LRP1B: variants seen among roughly 807,000 people sequenced by gnomAD.
LRP1B encodes the protein LDL receptor related protein 1B, also known as low-density lipoprotein receptor-related protein 1B.
Under a neutral mutation model 556.6 loss-of-function variants are expected in LRP1B, and 217 were observed. The observed-to-expected ratio is 0.39, with a 90% CI of 0.35 to 0.44. The LOEUF is 0.44. Ranked by LOEUF, LRP1B falls within the 20% of genes least tolerant of loss-of-function variation. The pLI, the probability that LRP1B is intolerant of heterozygous loss-of-function variation, is 1.00. For synonymous variants in LRP1B, 2,047 were observed against 1,865.8 expected, an observed-to-expected ratio of 1.10 and a Z score of -2.50; for missense variants, 5,053 against 5,620.8, an observed-to-expected ratio of 0.90 and a Z score of 3.23.
rs1689922969 is a variant in LRP1B, at chr2:140,516,834, T to C, written c.8149+55A>G. ...ATAAAATCCCTACATAAGAGAATAC[T>C]AACATATAAGTAATAGTAAGGTTAA... is the stretch of plus-strand genomic sequence containing the variant. On this transcript the variant is annotated intron_variant, in intron 50 of 90. Transcript: ENST00000389484. 3 of 1,542,084 alleles carry C rather than the reference T, an allele frequency of 1.9e-6. No homozygotes were observed. In the South Asian group the frequency reaches 3.4e-5, roughly 18 times the overall value.
At chr2:141,265,583 T>C (rs1684856962) in intron 3 of LRP1B, among the ~76,000 whole-genome samples, 1 of 152,196 alleles carries the variant, frequency 6.6e-6, no homozygotes, top group African/African-American at 2.4e-5. Context: ...ATGAATAATA[T>C]GCAATGTGCT....
At chr2:141,375,907 A>C (rs1426349663) in intron 3 of LRP1B, among the ~76,000 whole-genome samples, 1 of 151,780 alleles carries the variant, frequency 6.6e-6, no homozygotes, top group Non-Finnish European at 1.5e-5. Context: ...CCTTCAGCCC[A>C]AACTCAACTC....
Position 140,736,035 on chromosome 2 carries a change from A to C in LRP1B, c.5759-19219T>G, listed in dbSNP as rs961833149. Among the ~76,000 whole-genome samples the C allele has an allele frequency of 2.0e-5, 3 of 152,286 alleles. No homozygotes were observed. The South Asian group carries it at 6.2e-4, about 32-fold the overall frequency. On this transcript the variant is annotated intron_variant, in intron 35 of 90. Transcript: ENST00000389484. ...GCAAGGGCTAGCAAGGCTGTGAGGC[A>C]ACATCTCTGCTAGGGTGGCTCTTAA...
At chr2:140,716,841 ATACAT>A in intron 35 of LRP1B, 25 bp from the exon 36 acceptor site, 8 of 1,456,320 alleles carry the variant, frequency 5.5e-6, no homozygotes, top group Non-Finnish European at 7.6e-6. Flanking sequence ...CAGAAAAAAA[ATACAT>A]ATACACACAC....
intron 7 of LRP1B, among the ~76,000 whole-genome samples, chr2:141,079,954 CAATA>C (rs1553456930): frequency 6.6e-6 from 1 of 152,180 alleles, no homozygotes; most frequent in Non-Finnish European, 1.5e-5. Flanking sequence ...AGGACTCGTT[CAATA>C]TCAGTATGTC....
intron 41 of LRP1B, among the ~76,000 whole-genome samples, chr2:140,694,274 T>C (rs1020878709): frequency 2.6e-5 from 4 of 152,176 alleles, no homozygotes; most frequent in African/African-American, 9.7e-5. Flanking sequence ...CATTACTTTA[T>C]ATTTTTTTAA....
chr2:140,472,234 G>T (rs746812278), intron 60 of LRP1B, among the ~76,000 whole-genome samples: 33 of 152,088 alleles, frequency 2.2e-4, no homozygotes, highest in Admixed American at 7.9e-4. Flanking sequence ...ATGAATGAAT[G>T]AATAAATGAA....
At chr2:141,804,104 C>A (rs1404390982) in intron 2 of LRP1B, among the ~76,000 whole-genome samples, 1 of 151,974 alleles carries the variant, frequency 6.6e-6, no homozygotes, top group African/African-American at 2.4e-5. Flanking sequence ...TGAAACAATC[C>A]TTTTGGGATG....
intron 3 of LRP1B, among the ~76,000 whole-genome samples, chr2:141,403,974 G>T (rs893441101): frequency 5.9e-5 from 9 of 152,232 alleles, no homozygotes. Flanking sequence ...GAATGAGAAG[G>T]CATTCTTTCT....
rs368584977 is a variant in LRP1B at position 140,883,979 on chromosome 2, G to A, written c.4007C>T (p.Thr1336Ile). The A allele has an allele frequency of 1.7e-5, 27 of 1,613,078 alleles. No homozygotes were observed. Among genetic ancestry groups the A allele is most frequent in the Non-Finnish European group, 2.3e-5 (27 of 1,179,882 alleles). Reference sequence around the variant, plus strand: ...CCAGTCGACTGTCAGGCCTTCTGGAGTAGCCAGGCCATGCTCCACAACCAC... The same window carrying A: ...CCAGTCGACTGTCAGGCCTTCTGGAATAGCCAGGCCATGCTCCACAACCAC... ...IEVVVEHGLA[T>I]PEGLTVDWIA... The change falls in exon 25 of 91, where the codon ACT (threonine) becomes ATT (isoleucine). Residue 1336 changes from threonine (T) to isoleucine (I), a missense_variant. Around this residue, in one of 5 missense-constraint regions of LRP1B, gnomAD observed 3,619 missense variants for 3,931.9 expected, o/e 0.92. Coordinates refer to ENST00000389484, the MANE Select transcript of LRP1B (RefSeq NM_018557.3).
intron 43 of LRP1B, among the ~76,000 whole-genome samples, chr2:140,544,113 A>C (rs1680236255): frequency 6.6e-6 from 1 of 152,010 alleles, no homozygotes; most frequent in Admixed American, 6.6e-5. Context: ...TAATAAAAAC[A>C]TTTATATTCC....
At chr2:140,598,591 T>G in intron 43 of LRP1B, 40 bp downstream of exon 43, 1 of 1,449,952 alleles carries the variant, frequency 6.9e-7, no homozygotes, top group Non-Finnish European at 9.7e-7. Context: ...AAATATATCA[T>G]TGTATAACTC....
At chr2:140,251,533 A>T (rs1681414693) in intron 86 of LRP1B, among the ~76,000 whole-genome samples, 1 of 151,922 alleles carries the variant, frequency 6.6e-6, no homozygotes, top group African/African-American at 2.4e-5. Context: ...AGGTCATGGG[A>T]TTCTTCTGAC....
At chr2:140,940,255 T>C (rs1484761323) in intron 20 of LRP1B, among the ~76,000 whole-genome samples, 2 of 152,236 alleles carry the variant, frequency 1.3e-5, no homozygotes, top group African/African-American at 2.4e-5. Flanking sequence ...CTAAAGATAC[T>C]GAACAATTTT....
At chr2:141,987,045 C>T (rs76438532) in intron 1 of LRP1B, among the ~76,000 whole-genome samples, 2,255 of 152,078 alleles carry the variant, frequency 0.015, 52 homozygotes, top group African/African-American at 0.051. Context: ...TGAGTTATAG[C>T]TCCTTTAGAA....
chr2:140,365,823 T>C (rs1682736439), intron 71 of LRP1B, among the ~76,000 whole-genome samples: 1 of 151,670 alleles, frequency 6.6e-6, no homozygotes, highest in African/African-American at 2.4e-5. Context: ...GGTATTAACA[T>C]ATTTAAACAC....
intron 10 of LRP1B, among the ~76,000 whole-genome samples, chr2:141,053,404 G>T (rs998791509): frequency 4.6e-5 from 7 of 151,914 alleles, no homozygotes; most frequent in Admixed American, 1.3e-4. Context: ...TTTTTTGCCA[G>T]TTAGGGACTA....
At chr2:140,894,786 A>G (rs1273288284) in intron 23 of LRP1B, among the ~76,000 whole-genome samples, 1 of 151,932 alleles carries the variant, frequency 6.6e-6, no homozygotes, top group Non-Finnish European at 1.5e-5. Flanking sequence ...CCGTCTCTAC[A>G]AAAATACAAA....
intron 11 of LRP1B, among the ~76,000 whole-genome samples, chr2:141,030,756 G>T (rs1698345407): frequency 6.6e-6 from 1 of 151,896 alleles, no homozygotes; most frequent in African/African-American, 2.4e-5. Context: ...TACTACAGTA[G>T]ATGCATATTT....
Sources: gnomAD v4.1 joint callset for allele counts (sites outside exome capture counted in the v4.1 genomes callset) on GRCh38, gnomAD v4.1.1 for gene constraint, gnomAD v4.1.1 regional missense constraint, MANE v1.5 for transcripts, NCBI Gene and HGNC (gene_info 2026-07-23, HGNC 2026-07-21) for gene names.